Variants in CARD8 observed in about 807,000 individuals in gnomAD.
The protein encoded by CARD8 is caspase recruitment domain-containing protein 8.
Under a neutral mutation model 53.2 loss-of-function variants are expected in CARD8, and 38 were observed. That is an observed-to-expected ratio of 0.71 (90% CI 0.55 to 0.94). The LOEUF is 0.94. Ranked by LOEUF, CARD8 falls within the 40% of genes least tolerant of loss-of-function variation. The probability of loss-of-function intolerance (pLI) is 0.00; values close to 1 mark genes in which losing one functional copy is unlikely to be tolerated. For missense variants in CARD8, 561 were observed against 655.5 expected, an observed-to-expected ratio of 0.86 and a Z score of 1.57; for synonymous variants, 245 against 244.9, an observed-to-expected ratio of 1.00 and a Z score of 0.00.
At chr19:48,236,374 G>A (rs1040528855) in intron 5 of CARD8, among the ~76,000 whole-genome samples, 35 of 152,114 alleles carry the variant, frequency 2.3e-4, no homozygotes, top group African/African-American at 8.0e-4. Context: ...CAGCACACCC[G>A]GTTAATTTTT....
At chr19:48,227,674 G>A (rs1350797698) in intron 10 of CARD8, among the ~76,000 whole-genome samples, 2 of 151,860 alleles carry the variant, frequency 1.3e-5, no homozygotes, top group African/African-American at 4.8e-5. Context: ...GTGGTGGTGT[G>A]TGCCTGTAAT....
chr19:48,204,654 G>A (rs564440671), downstream of CARD8, among the ~76,000 whole-genome samples: 1 of 152,276 alleles, frequency 6.6e-6, no homozygotes, highest in East Asian at 1.9e-4. Flanking sequence ...GACGGAATTG[G>A]GGTTTCATGG....
At chr19:48,221,170 G>T (rs2040559130) in intron 11 of CARD8, among the ~76,000 whole-genome samples, 1 of 152,074 alleles carries the variant, frequency 6.6e-6, no homozygotes, top group South Asian at 2.1e-4. Flanking sequence ...AAAACCATAT[G>T]AATGGAAAGA....
chr19:48,221,896 T>C (rs762153721), intron 10 of CARD8, 41 bp from the exon 11 acceptor site: 2 of 1,531,304 alleles, frequency 1.3e-6, no homozygotes, highest in South Asian at 1.2e-5. Context: ...GCACAAAAAA[T>C]AGTAAAGCAA....
chr19:48,241,032 G>A lies in CARD8; in HGVS notation c.-12C>T, dbSNP rs1326620236. 1 of 1,533,294 alleles carries A rather than the reference G, an allele frequency of 6.5e-7. No homozygotes were observed. The highest frequency in any genetic ancestry group is 8.7e-7 in the Non-Finnish European group (1 of 1,144,398). 95.0% of individuals were successfully genotyped at this position (1,533,294 alleles called of 1,614,324 possible). The stretch of plus-strand genomic sequence containing the variant: ...TCCTTTTTTTCCATTTGTCAAATGT[G>A]GTATTTATGTCTTTACTGTATCTTT... On this transcript the variant is annotated 5_prime_UTR_variant, in exon 4 of 14. Coordinates refer to ENST00000651546, the MANE Select transcript of CARD8 (RefSeq NM_001184900.3).
At chr19:48,252,358 T>C (rs2047028689) in intron 1 of CARD8, among the ~76,000 whole-genome samples, 1 of 152,092 alleles carries the variant, frequency 6.6e-6, no homozygotes, top group Admixed American at 6.6e-5. Context: ...TTCACATTGC[T>C]GACAAGTTTA....
chr19:48,215,602 A>G (rs1360413254), intron 12 of CARD8, among the ~76,000 whole-genome samples: 1 of 152,218 alleles, frequency 6.6e-6, no homozygotes, highest in Non-Finnish European at 1.5e-5. Context: ...CATTTTTCCA[A>G]TTTCTTTCAA....
chr19:48,223,238 A>G (rs1475153436), intron 10 of CARD8, among the ~76,000 whole-genome samples: 2 of 151,730 alleles, frequency 1.3e-5, no homozygotes, highest in Non-Finnish European at 2.9e-5. Flanking sequence ...TGGGAGGCAG[A>G]GTTTGCAGTG....
chr19:48,223,459 A>G (rs912416500), intron 10 of CARD8, among the ~76,000 whole-genome samples: 1 of 152,188 alleles, frequency 6.6e-6, no homozygotes, highest in Non-Finnish European at 1.5e-5. Context: ...GGTAAGGCAG[A>G]GAAGGGATGT....
At chr19:48,243,138 GAGC>G (rs1199327355) in intron 3 of CARD8, among the ~76,000 whole-genome samples, 5 of 152,114 alleles carry the variant, frequency 3.3e-5, no homozygotes, top group Non-Finnish European at 7.4e-5. Context: ...TCAGCCTCCT[GAGC>G]AGCTGGGACT....
chr19:48,229,790 T>C (rs956953260), intron 10 of CARD8, among the ~76,000 whole-genome samples: 2 of 152,174 alleles, frequency 1.3e-5, no homozygotes, highest in African/African-American at 4.8e-5. Context: ...AGTGTGCCTG[T>C]CAGTGTAATT....
At chr19:48,205,650 T>C (rs1423280797), downstream of CARD8, among the ~76,000 whole-genome samples, 2 of 152,166 alleles carry the variant, frequency 1.3e-5, no homozygotes, top group Admixed American at 1.3e-4. Context: ...CACACCCCCA[T>C]TTTACAGATG....
intron 4 of CARD8, among the ~76,000 whole-genome samples, chr19:48,239,297 C>G (rs994748709): frequency 1.8e-4 from 28 of 152,236 alleles, no homozygotes; most frequent in African/African-American, 6.5e-4. Flanking sequence ...TATCAGCTTT[C>G]TAATTTGTAA....
intron 11 of CARD8, among the ~76,000 whole-genome samples, chr19:48,220,616 T>C (rs905831445): frequency 6.6e-6 from 1 of 152,090 alleles, no homozygotes; most frequent in Non-Finnish European, 1.5e-5. Context: ...TGAGACATCT[T>C]TGAAAATCTA....
intron 10 of CARD8, among the ~76,000 whole-genome samples, chr19:48,222,743 C>T (rs186015575): frequency 6.6e-6 from 1 of 151,682 alleles, no homozygotes; most frequent in Non-Finnish European, 1.5e-5. Context: ...GAATGGAATT[C>T]AAACAAAACC....
chr19:48,235,165 T>C (rs1254128127), intron 5 of CARD8, among the ~76,000 whole-genome samples: 1 of 152,200 alleles, frequency 6.6e-6, no homozygotes, highest in East Asian at 1.9e-4. Context: ...ATATGGAACA[T>C]GAGAGTCCTA....
intron 10 of CARD8, among the ~76,000 whole-genome samples, chr19:48,222,513 AC>A (rs1241182276): frequency 1.3e-5 from 2 of 152,058 alleles, no homozygotes; most frequent in African/African-American, 2.4e-5. Flanking sequence ...GCATGGCGAA[AC>A]CCCGTCTCTA....
At position 48,210,575 on chromosome 19, in the gene CARD8, A is replaced by G. The variant is rs1269606597; in HGVS notation, c.*1135T>C. 1.3e-5 allele frequency: 2 copies of G among 152,230 alleles called. No homozygotes were observed. The highest frequency in any genetic ancestry group is 4.8e-5 in the African/African-American group (2 of 41,466). The allele number at this position is 152,230 out of a possible 1,614,324, so 9.4% of individuals were successfully genotyped here. A position where few individuals can be genotyped will look rare whatever the true frequency, so the allele number is the denominator to read the frequency against. On this transcript the variant is annotated 3_prime_UTR_variant, in exon 14 of 14. Transcript: ENST00000651546. ...TATATCCTAGATGAGAAAAGGTAAT[A>G]GGATCTAAATGGTGATAAAGTGCCT...
rs565276698 is a variant in CARD8, at chr19:48,230,402, G to A, written c.1035+36C>T. 2.6e-6 allele frequency: 4 copies of A among 1,557,572 alleles called. No homozygotes were observed. The East Asian group carries it at 6.8e-5, about 26-fold the overall frequency. ...AAGGGGATAACCTGGAAATATAATC[G>A]TCATCTTCTCTGGTCTCCTAAATCA... On this transcript the variant is annotated intron_variant, in intron 10 of 13. Transcript: ENST00000651546.
Sources: allele counts gnomAD v4.1 joint callset (sites outside exome capture counted in the v4.1 genomes callset), GRCh38; gene constraint gnomAD v4.1.1; transcripts MANE v1.5; gene names NCBI Gene and HGNC (gene_info 2026-07-23, HGNC 2026-07-21).